Variants in SFI1 observed in about 807,000 individuals in gnomAD.
SFI1 encodes the protein SFI1 centrin binding protein.
A neutral mutation model predicts 207.5 loss-of-function variants in SFI1; 195 were observed. The ratio of observed to expected loss-of-function variants is 0.94; its 90% confidence interval spans 0.84 to 1.06. The LOEUF is 1.06. SFI1 is among the 50% of genes least tolerant of loss of function. The pLI is 0.00. For missense variants in SFI1, 1,634 were observed against 1,588.0 expected, an observed-to-expected ratio of 1.03 and a Z score of -0.49; for synonymous variants, 630 against 598.9, an observed-to-expected ratio of 1.05 and a Z score of -0.76.
At chr22:31,567,453 C>G (rs1244737664) in intron 8 of SFI1, among the ~76,000 whole-genome samples, 3 of 151,860 alleles carry the variant, frequency 2.0e-5, no homozygotes, top group African/African-American at 7.3e-5. Flanking sequence ...TGGCTCTGAG[C>G]AGAGGAGTGA....
At chr22:31,589,668 C>A (rs1183786391) in intron 15 of SFI1, 91 bp downstream of exon 15, 1 of 1,402,930 alleles carries the variant, frequency 7.1e-7, no homozygotes, top group Non-Finnish European at 9.6e-7. Flanking sequence ...TTTTCAGCTT[C>A]CCAGACCCCA....
chr22:31,514,740 G>A (rs1350418755), intron 2 of SFI1, among the ~76,000 whole-genome samples: 1 of 151,158 alleles, frequency 6.6e-6, no homozygotes, highest in Admixed American at 6.6e-5. Flanking sequence ...CTCCATTTCC[G>A]AAATTCATGT....
chr22:31,614,517 A>G (rs1281806726), intron 27 of SFI1: 4 of 646,032 alleles, frequency 6.2e-6, no homozygotes, highest in East Asian at 6.2e-5. Context: ...CCCCTGTGAC[A>G]TGGACCCTGG....
chr22:31,595,687 T>C (rs2066998557), intron 15 of SFI1, among the ~76,000 whole-genome samples: 1 of 152,176 alleles, frequency 6.6e-6, no homozygotes, highest in Admixed American at 6.5e-5. Flanking sequence ...TCAGAGCTAG[T>C]GCTGAGGGAG....
Position 31,524,158 on chromosome 22 carries a change from C to T in SFI1, c.93-4532C>T, listed in dbSNP as rs368826833. 3.0e-4 allele frequency among the ~76,000 whole-genome samples: 45 copies of T among 151,738 alleles called. No individual in the cohort carries two copies. The East Asian group carries it at 8.0e-3, about 27-fold the overall frequency. On this transcript the variant is annotated intron_variant, in intron 2 of 32. Coordinates refer to ENST00000400288, the MANE Select transcript of SFI1 (RefSeq NM_001007467.3). ...CGGAGGTTGCAGTGAGCCGAGATGG[C>T]GCCATTGCACTCCAGCCTGGGCGAC...
Position 31,550,352 on chromosome 22 carries a change from A to G in SFI1, c.544+4A>G. On this transcript the variant is annotated splice_donor_region_variant and intron_variant, in intron 6 of 32. Transcript: ENST00000400288. The stretch of plus-strand genomic sequence containing the variant: ...TACATTAGAGCCGAGGTTCATGGTG[A>G]GAAAAAGAAGTCCATGTCTGAAGAA... 6.2e-7 allele frequency: 1 copy of G among 1,612,588 alleles called. No homozygotes were observed. The highest frequency in any genetic ancestry group is 8.5e-7 in the Non-Finnish European group (1 of 1,178,710).
intron 2 of SFI1, among the ~76,000 whole-genome samples, chr22:31,510,278 T>A (rs1483767689): frequency 3.3e-5 from 5 of 152,120 alleles, no homozygotes; most frequent in African/African-American, 4.8e-5. Flanking sequence ...CAGTGCAGTT[T>A]CTAACTCCTG....
chr22:31,518,558 A>T (rs973769435), intron 2 of SFI1, among the ~76,000 whole-genome samples: 2 of 151,932 alleles, frequency 1.3e-5, no homozygotes, highest in African/African-American at 4.8e-5. Flanking sequence ...TGTCAACTGT[A>T]TTAGTCTTTT....
intron 3 of SFI1, 199 bp downstream of exon 3, chr22:31,529,062 C>T: frequency 2.0e-6 from 1 of 505,928 alleles, no homozygotes; most frequent in South Asian, 4.1e-5. Context: ...GTTTTCATTT[C>T]TCCACTTGTG....
At chr22:31,567,352 TG>T (rs1793000690) in intron 8 of SFI1, among the ~76,000 whole-genome samples, 1 of 152,188 alleles carries the variant, frequency 6.6e-6, no homozygotes, top group African/African-American at 2.4e-5. Flanking sequence ...GATGAGGTTA[TG>T]AGGTAACAGG....
intron 18 of SFI1, 106 bp downstream of exon 18, chr22:31,603,925 G>A: frequency 9.6e-7 from 1 of 1,044,630 alleles, no homozygotes; most frequent in Non-Finnish European, 1.4e-6. Context: ...CTACCTCTGA[G>A]CTGAAGGAGG....
At chr22:31,557,505 A>T (rs2061283655) in intron 7 of SFI1, among the ~76,000 whole-genome samples, 1 of 152,242 alleles carries the variant, frequency 6.6e-6, no homozygotes, top group African/African-American at 2.4e-5. Flanking sequence ...TTGAAACAAT[A>T]TTTTGAACAT....
At chr22:31,533,598 C>T (rs924195844) in intron 4 of SFI1, among the ~76,000 whole-genome samples, 2 of 151,896 alleles carry the variant, frequency 1.3e-5, no homozygotes, top group Admixed American at 6.6e-5. Flanking sequence ...AAGAAACAAG[C>T]AGCGACCAAA....
intron 1 of SFI1, among the ~76,000 whole-genome samples, chr22:31,498,326 C>A (rs2053115664): frequency 1.3e-5 from 2 of 150,608 alleles, no homozygotes; most frequent in African/African-American, 4.9e-5. Flanking sequence ...TTTGTGACCC[C>A]ATAGCTGCCA....
intron 1 of SFI1, among the ~76,000 whole-genome samples, chr22:31,497,824 G>GA (rs2052979735): frequency 1.3e-5 from 2 of 152,054 alleles, no homozygotes; most frequent in African/African-American, 2.4e-5. Flanking sequence ...CTACTGTTCA[G>GA]AAAAAAGGAT....
chr22:31,606,979 C>T (rs1313128579), intron 21 of SFI1, among the ~76,000 whole-genome samples: 1 of 151,888 alleles, frequency 6.6e-6, no homozygotes, highest in Non-Finnish European at 1.5e-5. Flanking sequence ...ATTACAGGCT[C>T]TTTGAATCCA....
In SFI1 at chr22:31,617,624, G is replaced by A. The variant is rs564497569; in HGVS notation, c.3513-491G>A. Among the ~76,000 whole-genome samples the A allele has an allele frequency of 6.6e-4, 100 of 152,144 alleles. 1 individual carries two copies. The highest frequency in any genetic ancestry group is 5.9e-5 in the Non-Finnish European group (4 of 68,000). On this transcript the variant is annotated intron_variant, in intron 31 of 32. Coordinates refer to ENST00000400288, the MANE Select transcript of SFI1 (RefSeq NM_001007467.3). Reference sequence around the variant, plus strand: ...TAGTCCCAACTACTTGGAAGGCTGAGGCAGAAGAATCGCTTCAACCTGGGA... The same window carrying A: ...TAGTCCCAACTACTTGGAAGGCTGAAGCAGAAGAATCGCTTCAACCTGGGA...
chr22:31,520,316 C>T (rs925617869), intron 2 of SFI1, among the ~76,000 whole-genome samples: 3 of 152,098 alleles, frequency 2.0e-5, no homozygotes, highest in African/African-American at 7.2e-5. Context: ...TTTTATTACC[C>T]AACTGTGTAT....
intron 2 of SFI1, among the ~76,000 whole-genome samples, chr22:31,528,390 A>G (rs572660548): frequency 6.6e-6 from 1 of 151,130 alleles, no homozygotes; most frequent in Non-Finnish European, 1.5e-5. Context: ...TGCCACAGCA[A>G]TCCAGCCTGG....
Sources: gnomAD v4.1 joint callset for allele counts (sites outside exome capture counted in the v4.1 genomes callset) on GRCh38, gnomAD v4.1.1 for gene constraint, MANE v1.5 for transcripts, NCBI Gene and HGNC (gene_info 2026-07-23, HGNC 2026-07-21) for gene names.